Variants in ZC3H12D observed in about 807,000 individuals in gnomAD.
The protein encoded by ZC3H12D is probable ribonuclease ZC3H12D.
A neutral mutation model predicts 24.2 loss-of-function variants in ZC3H12D; 11 were observed. The ratio of observed to expected loss-of-function variants is 0.46; its 90% CI spans 0.29 to 0.75. The LOEUF is 0.75. Among genes scored for constraint, ZC3H12D ranks in the 30% least tolerant of loss-of-function variants. The pLI is 0.11. For synonymous variants in ZC3H12D, 333 were observed against 341.8 expected, an observed-to-expected ratio of 0.97 and a Z score of 0.28; for missense variants, 740 against 767.7, an observed-to-expected ratio of 0.96 and a Z score of 0.43.
rs528029847 is a variant in ZC3H12D, at chr6:149,476,663, C to T, written c.-70-2050G>A. On this transcript the variant is annotated intron_variant, in intron 1 of 5. Transcript: ENST00000409806. Reference sequence around the variant, plus strand: ...ACTCTACAAAAAATACAAAAATTAGCGGGGCATGGTGGCGTTGGCCTGTAA... The same window carrying T: ...ACTCTACAAAAAATACAAAAATTAGTGGGGCATGGTGGCGTTGGCCTGTAA... Among the ~76,000 whole-genome samples the T allele has an allele frequency of 4.6e-5, 7 of 152,110 alleles. No homozygotes were observed. The South Asian group carries it at 8.3e-4, about 18-fold the overall frequency.
chr6:149,467,135 C>A (rs1331092261), intron 2 of ZC3H12D, among the ~76,000 whole-genome samples: 1 of 152,194 alleles, frequency 6.6e-6, no homozygotes, highest in Non-Finnish European at 1.5e-5. Context: ...GGAATGCACA[C>A]ACCAAAGGCA....
At chr6:149,463,622 T>C (rs1357510340) in intron 2 of ZC3H12D, among the ~76,000 whole-genome samples, 2 of 152,160 alleles carry the variant, frequency 1.3e-5, no homozygotes, top group Non-Finnish European at 2.9e-5. Context: ...GGCAGGAGAA[T>C]TGCTCGAACC....
Position 149,451,471 on chromosome 6 carries a change from AT to A in ZC3H12D, c.795del (p.Lys265AsnfsTer233), listed in dbSNP as rs772321736. The stretch of plus-strand genomic sequence containing the variant: ...AACTTGCACTTGATGCCATAGGTGC[AT>A]TTCTTGCCTGAAAGGGGCGGGGGCA... ...PSWQHCPYGK[K>X]CTYGIKCKFY... On this transcript the variant is annotated frameshift_variant, in exon 6 of 6. Transcript: ENST00000409806. LOFTEE classifies it low-confidence loss of function (END_TRUNC). The A allele has an allele frequency of 6.4e-7, 1 of 1,568,866 alleles. No homozygotes were observed. The highest frequency in any genetic ancestry group is 2.5e-5 in the East Asian group (1 of 40,764).
rs892149182 is a variant in ZC3H12D, at chr6:149,452,671, G to GT, written c.731dup (p.Asn244LysfsTer150). On this transcript the variant is annotated frameshift_variant, in exon 5 of 6. Coordinates refer to ENST00000409806, the MANE Select transcript of ZC3H12D (RefSeq NM_207360.3). LOFTEE classifies it high-confidence loss of function. This position sits in a 1 kb window ranked among gnomAD's most constrained non-coding sequence, Gnocchi z 4.0. ...GGGGCTTCGGCTTCCTGCTCAGGAA[G>GT]TTGCTCAGGGAGGGTCCATGGCGGC... 6.2e-7 allele frequency: 1 copy of GT among 1,608,642 alleles called. No homozygotes were observed. The highest frequency in any genetic ancestry group is 1.3e-5 in the African/African-American group (1 of 74,816).
At chr6:149,469,492 G>A (rs1033919651) in intron 2 of ZC3H12D, among the ~76,000 whole-genome samples, 4 of 151,902 alleles carry the variant, frequency 2.6e-5, no homozygotes, top group South Asian at 2.1e-4. Flanking sequence ...CTGTTGGCTC[G>A]TGAGAATTCA....
intron 2 of ZC3H12D, among the ~76,000 whole-genome samples, chr6:149,464,179 T>C (rs1416695137): frequency 6.6e-6 from 1 of 152,042 alleles, no homozygotes. Flanking sequence ...GGCAATATCA[T>C]ATGGGACTCA....
At chr6:149,478,571 A>T (rs1017659984) in intron 1 of ZC3H12D, among the ~76,000 whole-genome samples, 1 of 152,224 alleles carries the variant, frequency 6.6e-6, no homozygotes, top group Non-Finnish European at 1.5e-5. Flanking sequence ...CTCTTTAAGA[A>T]CCTTAATAAT....
intron 2 of ZC3H12D, among the ~76,000 whole-genome samples, chr6:149,469,282 C>T (rs1776207745): frequency 6.6e-6 from 1 of 152,046 alleles, no homozygotes; most frequent in Admixed American, 6.6e-5. Flanking sequence ...ACGGTGAAAC[C>T]CCGTCTGTAT....
chr6:149,454,026 G>A (rs1775941323), intron 4 of ZC3H12D, among the ~76,000 whole-genome samples: 1 of 152,240 alleles, frequency 6.6e-6, no homozygotes, highest in African/African-American at 2.4e-5. Flanking sequence ...GGAACAGGGA[G>A]TTTGAATCAG....
intron 3 of ZC3H12D, among the ~76,000 whole-genome samples, chr6:149,458,778 C>T (rs1464714565): frequency 2.0e-5 from 3 of 152,166 alleles, no homozygotes; most frequent in Non-Finnish European, 4.4e-5. Context: ...TGGATGTTTG[C>T]CAATCTGGTG....
chr6:149,480,975 G>A (rs576096826), intron 1 of ZC3H12D, among the ~76,000 whole-genome samples: 3 of 151,760 alleles, frequency 2.0e-5, no homozygotes, highest in Admixed American at 2.0e-4. Flanking sequence ...TCCCTGACTG[G>A]TGACCAGTCC....
intron 2 of ZC3H12D, among the ~76,000 whole-genome samples, chr6:149,465,551 G>C (rs1776144703): frequency 6.6e-6 from 1 of 152,096 alleles, no homozygotes; most frequent in East Asian, 1.9e-4. Flanking sequence ...TCAGGAGATC[G>C]AGAGCATCCT....
intron 1 of ZC3H12D, among the ~76,000 whole-genome samples, chr6:149,477,193 C>A (rs1776355071): frequency 6.6e-6 from 1 of 152,242 alleles, no homozygotes; most frequent in South Asian, 2.1e-4. Flanking sequence ...TTTGGCCTGG[C>A]ATTCTCTGCA....
At chr6:149,484,392 T>C (rs994471523) in intron 1 of ZC3H12D, among the ~76,000 whole-genome samples, 1 of 152,198 alleles carries the variant, frequency 6.6e-6, no homozygotes, top group East Asian at 1.9e-4. Flanking sequence ...GTCTAGAAGA[T>C]GCTCTCATGA....
Position 149,450,650 on chromosome 6 carries a change from C to T in ZC3H12D, c.*33G>A. ...CACCCGTCCAAGACGCAAGGCGAGG[C>T]TGGGCCATTCCCTGCAAGTGCGTGT... On this transcript the variant is annotated 3_prime_UTR_variant, in exon 6 of 6. Coordinates refer to ENST00000409806, the MANE Select transcript of ZC3H12D (RefSeq NM_207360.3). The T allele has an allele frequency of 2.7e-6, 4 of 1,480,404 alleles. No homozygotes were observed. Among genetic ancestry groups the T allele is most frequent in the Non-Finnish European group, 3.6e-6 (4 of 1,112,258 alleles). The allele number at this position is 1,480,404 out of a possible 1,614,324, so 91.7% of individuals were successfully genotyped here.
chr6:149,462,551 T>C (rs934469107), intron 2 of ZC3H12D, among the ~76,000 whole-genome samples: 1 of 152,170 alleles, frequency 6.6e-6, no homozygotes, highest in Non-Finnish European at 1.5e-5. Context: ...GTCAACTTGA[T>C]TGGATTGAAG....
At chr6:149,472,648 TC>T (rs1776263815) in intron 2 of ZC3H12D, among the ~76,000 whole-genome samples, 1 of 152,004 alleles carries the variant, frequency 6.6e-6, no homozygotes, top group Admixed American at 6.6e-5. Context: ...CAACAGAGAC[TC>T]CCATAAAAAC....
Position 149,450,817 on chromosome 6 carries a change from C to T in ZC3H12D, c.1450G>A (p.Ala484Thr). 6.5e-7 allele frequency: 1 copy of T among 1,547,598 alleles called. No individual in the cohort carries two copies. The highest frequency in any genetic ancestry group is 8.7e-7 in the Non-Finnish European group (1 of 1,146,746). The change falls in exon 6 of 6, where the codon GCG becomes ACG. Residue 484 changes from alanine to threonine, a missense_variant. Coordinates refer to ENST00000409806, the MANE Select transcript of ZC3H12D (RefSeq NM_207360.3). ...TCACGCGGGAAGACGCTGTAGAGCG[C>T]GATGCGAGCCCGGGCGCGCGCGTCC... ...EGDARARARI[A>T]LYSVFPRDQV...
intron 2 of ZC3H12D, among the ~76,000 whole-genome samples, chr6:149,465,686 T>A (rs385657): frequency 2.1e-5 from 3 of 145,258 alleles, no homozygotes; most frequent in Non-Finnish European, 4.5e-5. Flanking sequence ...ACCTGGGAGG[T>A]GGAGGTCACA....
Sources: allele counts gnomAD v4.1 joint callset (sites outside exome capture counted in the v4.1 genomes callset), GRCh38; gene constraint gnomAD v4.1.1; non-coding constraint Gnocchi (gnomAD v3.1); transcripts MANE v1.5; gene names NCBI Gene and HGNC (gene_info 2026-07-23, HGNC 2026-07-21).